RAD50: variants seen among roughly 807,000 people sequenced by gnomAD.
RAD50 encodes DNA repair protein RAD50.
Under a neutral mutation model 168.8 loss-of-function variants are expected in RAD50, and 132 were observed. That is an observed-to-expected ratio of 0.78 (90% CI 0.68 to 0.90). RAD50 has a LOEUF of 0.90. RAD50 is among the 40% of genes least tolerant of loss of function. The pLI, the probability that RAD50 is intolerant of heterozygous loss-of-function variation, is 0.00. For missense variants in RAD50, 1,347 were observed against 1,534.4 expected (o/e 0.88, Z 2.04); for synonymous variants, 525 against 497.4 (o/e 1.06, Z -0.74).
intron 5 of RAD50, among the ~76,000 whole-genome samples, chr5:132,581,356 GTGATCTGCC>G (rs1171897192): frequency 2.0e-5 from 3 of 152,132 alleles, no homozygotes; most frequent in Non-Finnish European, 4.4e-5. Flanking sequence ...CCGACCTCAA[GTGATCTGCC>G]CGCCTCGGCC....
intron 2 of RAD50, among the ~76,000 whole-genome samples, chr5:132,562,308 CTG>C (rs1750136758): frequency 6.6e-6 from 1 of 152,124 alleles, no homozygotes; most frequent in Admixed American, 6.5e-5. Flanking sequence ...TGAGAGAAGA[CTG>C]TCCGTAGGTA....
Position 132,609,137 on chromosome 5 carries a change from G to A in RAD50, c.2850G>A (p.Lys950=), listed in dbSNP as rs1302362353. The A allele has an allele frequency of 3.1e-6, 5 of 1,611,400 alleles. No homozygotes were observed. The South Asian group carries it at 5.5e-5, about 18-fold the overall frequency. ...AQDKLNDIKE[K]VKNIHGYMKD... ...TACAGCTGAATGATATTAAAGAGAA[G>A]GTTAAAAATATTCATGGCTATATGA... The change falls in exon 18 of 25, where the codon AAG becomes AAA. Residue 950 remains lysine, a synonymous_variant. Coordinates refer to ENST00000378823, the MANE Select transcript of RAD50 (RefSeq NM_005732.4).
intron 13 of RAD50, among the ~76,000 whole-genome samples, chr5:132,598,507 C>T (rs1256132753): frequency 6.6e-6 from 1 of 152,170 alleles, no homozygotes; most frequent in Non-Finnish European, 1.5e-5. Flanking sequence ...ATCTGTCTCA[C>T]AATAATTTTT....
rs555147562 is a variant in RAD50, at chr5:132,595,190, G to A, written c.1969+146G>A. 5 of 882,026 alleles carry A rather than the reference G, an allele frequency of 5.7e-6. No individual in the cohort carries two copies. The East Asian group carries it at 1.3e-4, about 23-fold the overall frequency. 54.6% of individuals were successfully genotyped at this position (882,026 alleles called of 1,614,324 possible). On this transcript the variant is annotated intron_variant, in intron 12 of 24. Transcript: ENST00000378823. ...GTCCTGGCTCTACAACTTACTCACT[G>A]TGTGACTTTAGGCAAGTTACTGAAA...
At chr5:132,585,609 T>C (rs1750582704) in intron 5 of RAD50, among the ~76,000 whole-genome samples, 2 of 148,740 alleles carry the variant, frequency 1.3e-5, no homozygotes, top group African/African-American at 5.0e-5. Flanking sequence ...TTTTTTTTTT[T>C]TTCTTGTTTT....
chr5:132,629,458 A>G (rs550868799), intron 21 of RAD50, among the ~76,000 whole-genome samples: 2 of 152,318 alleles, frequency 1.3e-5, no homozygotes, highest in East Asian at 1.9e-4. Flanking sequence ...GTGGAGAGGT[A>G]CAGGAGTGCT....
intron 21 of RAD50, among the ~76,000 whole-genome samples, chr5:132,619,278 A>G (rs550991538): frequency 5.9e-5 from 9 of 152,218 alleles, no homozygotes; most frequent in Non-Finnish European, 1.0e-4. Flanking sequence ...ACTGATTTAT[A>G]CCACTAGCAG....
At chr5:132,641,790 A>AGTAGTAACAGGTCAGGAAAATCCC (rs1751727248) in intron 24 of RAD50, 1 of 184,656 alleles carries the variant, frequency 5.4e-6, no homozygotes, top group East Asian at 1.4e-4. Context: ...TCCAGAGAAA[A>AGTAGTAACAGGTCAGGAAAATCCC]GTAGTAACAG....
rs1326458418 is a variant in RAD50 at position 132,557,123 on chromosome 5, G to C, written c.-202G>C. The C allele has an allele frequency of 1.3e-6, 1 of 751,886 alleles. No homozygotes were observed. Among genetic ancestry groups the C allele is most frequent in the Non-Finnish European group, 2.2e-6 (1 of 462,244 alleles). 46.6% of individuals were successfully genotyped at this position (751,886 alleles called of 1,614,324 possible). On this transcript the variant is annotated 5_prime_UTR_variant, in exon 1 of 25. Transcript: ENST00000378823. ...CACCGGCGGGGAAAGCAGCTGGTGT[G>C]GGAGGAAAGGCTCCATCCCCCGCCC...
chr5:132,619,783 C>CCTCTCTCTCT (rs550575815), intron 21 of RAD50, among the ~76,000 whole-genome samples: 1,959 of 125,016 alleles, frequency 0.016, 80 homozygotes, highest in African/African-American at 0.062. Context: ...CTTCCCTACT[C>CCTCTCTCTCT]CTCTCTCTCT....
chr5:132,577,373 A>G (rs1305058316), intron 3 of RAD50, among the ~76,000 whole-genome samples: 1 of 152,224 alleles, frequency 6.6e-6, no homozygotes, highest in Non-Finnish European at 1.5e-5. Context: ...CAAATGATTA[A>G]CACCCTAATT....
chr5:132,595,594 C>T lies in RAD50; in HGVS notation c.1991C>T (p.Ala664Val). The change falls in exon 13 of 25, where the codon GCA becomes GTA. Residue 664 changes from alanine (A) to valine (V), a missense_variant. Coordinates refer to ENST00000378823, the MANE Select transcript of RAD50 (RefSeq NM_005732.4). The part of the protein sequence containing the change: ...KQRAMLAGAT[A>V]VYSQFITQLT... ...ATAGCCATGCTGGCTGGAGCCACAG[C>T]AGTTTACTCCCAGTTCATTACTCAG... 6.2e-7 allele frequency: 1 copy of T among 1,613,066 alleles called. No individual in the cohort carries two copies. Among genetic ancestry groups the T allele is most frequent in the Non-Finnish European group, 8.5e-7 (1 of 1,179,040 alleles).
chr5:132,569,759 A>G (rs915196400), intron 2 of RAD50, among the ~76,000 whole-genome samples: 4 of 152,234 alleles, frequency 2.6e-5, no homozygotes, highest in African/African-American at 9.6e-5. Flanking sequence ...ATAAATTTAT[A>G]AGGAGTAAAG....
intron 21 of RAD50, among the ~76,000 whole-genome samples, chr5:132,621,763 C>T (rs1257504461): frequency 6.6e-6 from 1 of 151,908 alleles, no homozygotes; most frequent in African/African-American, 2.4e-5. Flanking sequence ...TGCCTTTTTC[C>T]CCTGGTTCTC....
At chr5:132,598,692 A>G (rs1750835973) in intron 13 of RAD50, among the ~76,000 whole-genome samples, 1 of 152,174 alleles carries the variant, frequency 6.6e-6, no homozygotes, top group Non-Finnish European at 1.5e-5. Context: ...GGGGCTGTCA[A>G]AATAGGACAT....
chr5:132,581,230 G>A (rs890142577), intron 5 of RAD50, among the ~76,000 whole-genome samples: 2 of 151,780 alleles, frequency 1.3e-5, no homozygotes, highest in Admixed American at 1.3e-4. Context: ...CTCCAGGGTA[G>A]CTGGGATTAC....
intron 6 of RAD50, 105 bp downstream of exon 6, chr5:132,587,795 A>G (rs1024507929): frequency 6.4e-7 from 1 of 1,558,494 alleles, no homozygotes; most frequent in Middle Eastern, 1.7e-4. Flanking sequence ...ACAAATACAG[A>G]TCTTGTTACT....
At chr5:132,623,844 C>T (rs1292847413) in intron 21 of RAD50, among the ~76,000 whole-genome samples, 1 of 152,148 alleles carries the variant, frequency 6.6e-6, no homozygotes, top group Non-Finnish European at 1.5e-5. Context: ...GACCACAGGG[C>T]TCAGGAAGAC....
At chr5:132,565,153 A>C (rs1187791085) in intron 2 of RAD50, among the ~76,000 whole-genome samples, 2 of 152,114 alleles carry the variant, frequency 1.3e-5, no homozygotes, top group Non-Finnish European at 2.9e-5. Context: ...TGCTCCAGCC[A>C]TGTAAGATGT....
Sources: allele counts gnomAD v4.1 joint callset (sites outside exome capture counted in the v4.1 genomes callset), GRCh38; gene constraint gnomAD v4.1.1; transcripts MANE v1.5; gene names NCBI Gene and HGNC (gene_info 2026-07-23, HGNC 2026-07-21).